The following SPAG17 variants were observed in gnomAD, a reference collection of about 807,000 sequenced individuals.
SPAG17 encodes sperm-associated antigen 17.
In SPAG17, 169 loss-of-function variants were observed where a neutral mutation model predicts 273.6. That is an observed-to-expected ratio of 0.62 (90% CI 0.55 to 0.70). The LOEUF (loss-of-function observed/expected upper bound fraction) is 0.70, where lower values mean the gene tolerates loss of function less well. SPAG17 is among the 30% of genes least tolerant of loss of function. SPAG17 has a pLI of 0.00. For synonymous variants in SPAG17, 825 were observed against 873.2 expected, an observed-to-expected ratio of 0.94 and a Z score of 0.97; for missense variants, 2,557 against 2,627.8, an observed-to-expected ratio of 0.97 and a Z score of 0.59.
At chr1:118,135,871 T>C (rs985509184) in intron 3 of SPAG17, among the ~76,000 whole-genome samples, 2 of 152,200 alleles carry the variant, frequency 1.3e-5, no homozygotes, top group East Asian at 1.9e-4. Context: ...TTAAAGTTAA[T>C]TGTCAGCTCC....
chr1:118,097,033 G>A (rs939190035), intron 7 of SPAG17, among the ~76,000 whole-genome samples: 5 of 152,092 alleles, frequency 3.3e-5, no homozygotes, highest in South Asian at 2.1e-4. Context: ...TCAGGAGTTC[G>A]AGACCAGCCT....
intron 17 of SPAG17, among the ~76,000 whole-genome samples, chr1:118,071,868 G>GA (rs1360346467): frequency 2.0e-5 from 3 of 151,388 alleles, no homozygotes; most frequent in Admixed American, 6.6e-5. Flanking sequence ...AAGATTTCCA[G>GA]AAAAAAAAGG....
intron 17 of SPAG17, among the ~76,000 whole-genome samples, chr1:118,071,614 C>T (rs1653592176): frequency 6.6e-6 from 1 of 151,690 alleles, no homozygotes; most frequent in African/African-American, 2.4e-5. Context: ...CATGCCACTC[C>T]AGGCTGGGCG....
At chr1:117,975,428 T>C (rs1335913566) in intron 43 of SPAG17, among the ~76,000 whole-genome samples, 3 of 152,204 alleles carry the variant, frequency 2.0e-5, no homozygotes, top group Non-Finnish European at 4.4e-5. Context: ...TCCTAACTAA[T>C]ATAGTAGTAG....
rs542790328 is a variant in SPAG17, at chr1:118,150,642, T to G, written c.229-13A>C. ...TTATTTCATTAATCTGTAAGAAAATTAAATTTACTTATGATGAAAAAAGCC... is the reference window on the plus strand; with the variant it reads ...TTATTTCATTAATCTGTAAGAAAATGAAATTTACTTATGATGAAAAAAGCC... On this transcript the variant is annotated splice_polypyrimidine_tract_variant and intron_variant, in intron 2 of 48. Coordinates refer to ENST00000336338, the MANE Select transcript of SPAG17 (RefSeq NM_206996.4). 2 of 1,371,418 alleles carry G rather than the reference T, an allele frequency of 1.5e-6. No homozygotes were observed. The highest frequency in any genetic ancestry group is 2.9e-5 in the African/African-American group (2 of 69,520). 85.0% of individuals were successfully genotyped at this position (1,371,418 alleles called of 1,614,324 possible). A position where few individuals can be genotyped will look rare whatever the true frequency, so the allele number is the denominator to read the frequency against.
intron 3 of SPAG17, among the ~76,000 whole-genome samples, chr1:118,120,915 A>G (rs1657385864): frequency 6.6e-6 from 1 of 152,202 alleles, no homozygotes; most frequent in Non-Finnish European, 1.5e-5. Flanking sequence ...TTTATTTATT[A>G]TAGAATGAAA....
intron 43 of SPAG17, among the ~76,000 whole-genome samples, chr1:117,979,516 CCTTG>C (rs1157380885): frequency 6.6e-6 from 1 of 152,154 alleles, no homozygotes; most frequent in Non-Finnish European, 1.5e-5. Context: ...GTTGCTTCTT[CCTTG>C]CTTGCTCTTT....
At chr1:117,991,877 C>T (rs1020323026) in intron 36 of SPAG17, among the ~76,000 whole-genome samples, 1 of 152,052 alleles carries the variant, frequency 6.6e-6, no homozygotes, top group African/African-American at 2.4e-5. Flanking sequence ...TTTTATTTTA[C>T]CTGTAAATGG....
At chr1:118,078,347 CAAAGA>C (rs1009337883) in intron 15 of SPAG17, among the ~76,000 whole-genome samples, 10 of 151,968 alleles carry the variant, frequency 6.6e-5, no homozygotes, top group Non-Finnish European at 1.5e-4. Context: ...ATATAACACA[CAAAGA>C]AAAGTGCATG....
chr1:118,115,798 T>C (rs1276666227), intron 3 of SPAG17, among the ~76,000 whole-genome samples: 1 of 152,244 alleles, frequency 6.6e-6, no homozygotes, highest in Non-Finnish European at 1.5e-5. Context: ...AGTCTATTGT[T>C]TGGCATAGCC....
chr1:117,999,747 C>T (rs1658063678), intron 32 of SPAG17, among the ~76,000 whole-genome samples: 2 of 152,076 alleles, frequency 1.3e-5, no homozygotes, highest in South Asian at 4.1e-4. Flanking sequence ...GAGTAGATTG[C>T]AAAAATTTTC....
intron 25 of SPAG17, 74 bp downstream of exon 25, chr1:118,031,618 A>T (rs569547423): frequency 6.9e-7 from 1 of 1,456,870 alleles, no homozygotes; most frequent in East Asian, 2.3e-5. Context: ...CACTATTGAC[A>T]TAAGTCATGG....
intron 46 of SPAG17, among the ~76,000 whole-genome samples, chr1:117,967,738 A>C (rs1380189489): frequency 6.6e-6 from 1 of 152,234 alleles, no homozygotes; most frequent in Non-Finnish European, 1.5e-5. Context: ...ACAGCAAGGC[A>C]TGGGCGTCTT....
chr1:118,116,309 C>A (rs887743680), intron 3 of SPAG17, among the ~76,000 whole-genome samples: 14 of 152,326 alleles, frequency 9.2e-5, no homozygotes, highest in African/African-American at 3.1e-4. Flanking sequence ...CTGCCTGAAG[C>A]ATTGTCACAG....
chr1:118,127,888 C>G (rs1369412651), intron 3 of SPAG17, among the ~76,000 whole-genome samples: 1 of 152,072 alleles, frequency 6.6e-6, no homozygotes, highest in Non-Finnish European at 1.5e-5. Flanking sequence ...CTTTGGGAGG[C>G]CAAGGTGGGT....
intron 32 of SPAG17, among the ~76,000 whole-genome samples, chr1:118,002,485 T>C (rs1206753192): frequency 6.6e-6 from 1 of 152,214 alleles, no homozygotes; most frequent in East Asian, 1.9e-4. Context: ...TCTAAGGACT[T>C]GCTTTATGAA....
chr1:118,075,312 T>A (rs1373601749), intron 15 of SPAG17, among the ~76,000 whole-genome samples: 1 of 152,202 alleles, frequency 6.6e-6, no homozygotes, highest in Non-Finnish European at 1.5e-5. Flanking sequence ...TGACAGAGTA[T>A]ACTTATATGA....
At chr1:118,095,970 G>T (rs1385636739) in intron 7 of SPAG17, among the ~76,000 whole-genome samples, 1 of 152,178 alleles carries the variant, frequency 6.6e-6, no homozygotes, top group East Asian at 1.9e-4. Flanking sequence ...GGAGTCTCTA[G>T]TCTTTCCCAG....
chr1:118,010,354 C>T (rs959555684), intron 30 of SPAG17, among the ~76,000 whole-genome samples: 4 of 152,000 alleles, frequency 2.6e-5, no homozygotes, highest in Non-Finnish European at 5.9e-5. Context: ...TGTACCAAAA[C>T]AGCAAAACAG....
Sources: gnomAD v4.1 joint callset for allele counts (sites outside exome capture counted in the v4.1 genomes callset) on GRCh38, gnomAD v4.1.1 for gene constraint, MANE v1.5 for transcripts, NCBI Gene and HGNC (gene_info 2026-07-23, HGNC 2026-07-21) for gene names.